Variants in SLC4A4 observed in about 807,000 individuals in gnomAD.
SLC4A4 encodes solute carrier family 4 member 4, also known as electrogenic sodium bicarbonate cotransporter 1.
SLC4A4 carries 27 observed loss-of-function variants against 111.5 expected under a neutral mutation model. That is an observed-to-expected ratio of 0.24 (90% CI 0.18 to 0.33). The LOEUF (loss-of-function observed/expected upper bound fraction) is 0.33. Among genes scored for constraint, SLC4A4 ranks in the 10% least tolerant of loss-of-function variants. The pLI is 1.00. For missense variants in SLC4A4, 909 were observed against 1,315.5 expected, an observed-to-expected ratio of 0.69 and a Z score of 4.78; for synonymous variants, 443 against 463.4, an observed-to-expected ratio of 0.96 and a Z score of 0.57.
At chr4:71,418,384 T>A (rs1722011573) in intron 7 of SLC4A4, among the ~76,000 whole-genome samples, 1 of 152,190 alleles carries the variant, frequency 6.6e-6, no homozygotes, top group Admixed American at 6.5e-5. Context: ...AGTAAAAACA[T>A]GTCACCAGAG....
At chr4:71,409,955 G>T (rs1433651065) in intron 7 of SLC4A4, among the ~76,000 whole-genome samples, 1 of 152,244 alleles carries the variant, frequency 6.6e-6, no homozygotes, top group Non-Finnish European at 1.5e-5. Flanking sequence ...GAGGGTGGAA[G>T]CCTCAAGCCT....
intron 20 of SLC4A4, among the ~76,000 whole-genome samples, chr4:71,548,936 T>A (rs1735764332): frequency 6.6e-6 from 1 of 151,956 alleles, no homozygotes; most frequent in Non-Finnish European, 1.5e-5. Context: ...CACAAAATAC[T>A]TGTTAAACAG....
At chr4:71,429,557 A>G (rs1241947778) in intron 7 of SLC4A4, among the ~76,000 whole-genome samples, 1 of 152,222 alleles carries the variant, frequency 6.6e-6, no homozygotes, top group Admixed American at 6.6e-5. Context: ...CTGGATTCAC[A>G]GAGCTGATGT....
At chr4:71,352,680 T>A (rs1027816565) in intron 5 of SLC4A4, among the ~76,000 whole-genome samples, 2 of 152,236 alleles carry the variant, frequency 1.3e-5, no homozygotes, top group South Asian at 4.1e-4. Flanking sequence ...AGGGTTGTTA[T>A]GAGCATTAAA....
chr4:71,129,367 T>C (rs1743639608), intron 2 of SLC4A4, among the ~76,000 whole-genome samples: 1 of 151,710 alleles, frequency 6.6e-6, no homozygotes, highest in African/African-American at 2.4e-5. Context: ...TGAAAAAAAA[T>C]GCTCAACATC....
intron 3 of SLC4A4, among the ~76,000 whole-genome samples, chr4:71,313,828 C>T (rs535133554): frequency 2.6e-4 from 39 of 152,176 alleles, no homozygotes; most frequent in Admixed American, 1.4e-3. Context: ...AGAAGAAAAC[C>T]TAGGGAATAC....
chr4:71,383,977 T>C lies in SLC4A4; in HGVS notation c.731-13600T>C, dbSNP rs148258854. 2.2e-3 allele frequency among the ~76,000 whole-genome samples: 341 copies of C among 152,244 alleles called. 3 individuals carry two copies. The highest frequency in any genetic ancestry group is 7.8e-3 in the African/African-American group (323 of 41,540). ...CAGGTCTGTGTTGCAGAGCCAAATA[T>C]CTTCACCAATGAGACTTCTTAGAAC... On this transcript the variant is annotated intron_variant, in intron 6 of 25. Coordinates refer to ENST00000264485, the MANE Select transcript of SLC4A4 (RefSeq NM_001098484.3).
intron 2 of SLC4A4, among the ~76,000 whole-genome samples, chr4:71,110,300 G>C (rs900268112): frequency 6.6e-6 from 1 of 151,906 alleles, no homozygotes; most frequent in Admixed American, 6.6e-5. Context: ...CTGCAGCCTC[G>C]ACATTCCAGG....
chr4:71,414,546 C>A (rs760587398), intron 7 of SLC4A4, among the ~76,000 whole-genome samples: 2 of 152,134 alleles, frequency 1.3e-5, no homozygotes, highest in Non-Finnish European at 2.9e-5. Context: ...GTTATTCTAC[C>A]CTTTTACCAT....
At chr4:71,339,538 C>T (rs982652225) in intron 4 of SLC4A4, 33 bp downstream of exon 4, 2 of 1,606,504 alleles carry the variant, frequency 1.2e-6, no homozygotes, top group Non-Finnish European at 1.7e-6. Context: ...TAGTACTGAC[C>T]CAGGGAAACA....
chr4:71,146,603 A>C (rs144355433), intron 2 of SLC4A4, among the ~76,000 whole-genome samples: 2,631 of 152,222 alleles, frequency 0.017, 82 homozygotes, highest in African/African-American at 0.06. Context: ...GAAGGTCACT[A>C]AGGACTTGCT....
intron 7 of SLC4A4, among the ~76,000 whole-genome samples, chr4:71,418,791 C>G (rs1407688015): frequency 1.3e-5 from 2 of 152,072 alleles, no homozygotes; most frequent in Admixed American, 1.3e-4. Context: ...TTTAAAGGTA[C>G]TTTTTCCTAT....
At chr4:71,307,305 T>C (rs1441036626) in intron 3 of SLC4A4, among the ~76,000 whole-genome samples, 1 of 152,172 alleles carries the variant, frequency 6.6e-6, no homozygotes, top group Non-Finnish European at 1.5e-5. Flanking sequence ...ATTTCTGATT[T>C]CCCCCTTCAC....
chr4:71,438,776 A>T (rs939106878), intron 7 of SLC4A4, among the ~76,000 whole-genome samples: 1 of 152,174 alleles, frequency 6.6e-6, no homozygotes, highest in Admixed American at 6.5e-5. Context: ...ACTATGAAAA[A>T]CAAGAAGGCT....
chr4:71,151,812 GC>G (rs1210490460), intron 2 of SLC4A4, among the ~76,000 whole-genome samples: 1 of 151,000 alleles, frequency 6.6e-6, no homozygotes, highest in Non-Finnish European at 1.5e-5. Flanking sequence ...TGTAATCCCA[GC>G]ACTTTGGGAA....
chr4:71,101,151 C>T (rs1024622625), intron 2 of SLC4A4, among the ~76,000 whole-genome samples: 11 of 151,748 alleles, frequency 7.2e-5, no homozygotes, highest in Admixed American at 4.6e-4. Context: ...CCCAGCTACT[C>T]GGGAGGCTGA....
intron 1 of SLC4A4, among the ~76,000 whole-genome samples, chr4:71,216,054 G>A (rs192742088): frequency 3.7e-4 from 56 of 151,930 alleles, no homozygotes; most frequent in African/African-American, 1.2e-3. Flanking sequence ...GATTACAGGC[G>A]TGCACCACCA....
intron 12 of SLC4A4, among the ~76,000 whole-genome samples, chr4:71,461,192 AC>A (rs1726786567): frequency 6.6e-6 from 1 of 152,136 alleles, no homozygotes; most frequent in Non-Finnish European, 1.5e-5. Context: ...TTATAAACAA[AC>A]AAAATTCTAA....
At chr4:71,219,336 G>C (rs1266352995) in intron 1 of SLC4A4, among the ~76,000 whole-genome samples, 1 of 152,170 alleles carries the variant, frequency 6.6e-6, no homozygotes, top group Non-Finnish European at 1.5e-5. Flanking sequence ...CTCTGCCTAT[G>C]CTCTGAAGAT....
Sources: gnomAD v4.1 joint callset for allele counts (sites outside exome capture counted in the v4.1 genomes callset) on GRCh38, gnomAD v4.1.1 for gene constraint, MANE v1.5 for transcripts, NCBI Gene and HGNC (gene_info 2026-07-23, HGNC 2026-07-21) for gene names.